The following LRP1B variants were observed in gnomAD, a reference collection of about 807,000 sequenced individuals.
LRP1B encodes the protein LDL receptor related protein 1B, also known as low-density lipoprotein receptor-related protein 1B.
In LRP1B, 217 loss-of-function variants were observed where a neutral mutation model predicts 556.6. That is an observed-to-expected ratio of 0.39 (90% CI 0.35 to 0.44). LRP1B has a LOEUF of 0.44. Among genes scored for constraint, LRP1B ranks in the 20% least tolerant of loss-of-function variants. The pLI, the probability that LRP1B is intolerant of heterozygous loss-of-function variation, is 1.00. For missense variants in LRP1B, 5,053 were observed against 5,620.8 expected (o/e 0.90, Z 3.23); for synonymous variants, 2,047 against 1,865.8 (o/e 1.10, Z -2.50).
chr2:140,927,375 C>T (rs370775351), intron 20 of LRP1B, among the ~76,000 whole-genome samples: 9 of 152,162 alleles, frequency 5.9e-5, no homozygotes, highest in East Asian at 1.9e-4. Flanking sequence ...CCTGCAGTTA[C>T]GCACATGATA....
At chr2:140,511,258 G>A (rs192845199) in intron 51 of LRP1B, among the ~76,000 whole-genome samples, 1 of 146,688 alleles carries the variant, frequency 6.8e-6, no homozygotes, top group African/African-American at 2.5e-5. Context: ...AATATGGTAA[G>A]CAGTGGGGTA....
chr2:141,718,156 C>T (rs1479399338), intron 2 of LRP1B, among the ~76,000 whole-genome samples: 1 of 152,196 alleles, frequency 6.6e-6, no homozygotes, highest in Admixed American at 6.5e-5. Flanking sequence ...TTGCACACAG[C>T]TGGAGCTTTT....
chr2:141,602,361 G>T (rs932669340), intron 2 of LRP1B, among the ~76,000 whole-genome samples: 2 of 152,150 alleles, frequency 1.3e-5, no homozygotes, highest in Admixed American at 1.3e-4. Flanking sequence ...TTAAAGGCAG[G>T]CTGTCAAAGT....
At chr2:141,600,248 A>T (rs537300681) in intron 2 of LRP1B, among the ~76,000 whole-genome samples, 1 of 152,162 alleles carries the variant, frequency 6.6e-6, no homozygotes, top group South Asian at 2.1e-4. Context: ...AGCTTTTTTT[A>T]AAAAAATGCA....
At chr2:140,360,381 T>C (rs1682451671) in intron 72 of LRP1B, among the ~76,000 whole-genome samples, 1 of 151,580 alleles carries the variant, frequency 6.6e-6, no homozygotes. Context: ...GGAATGTCTC[T>C]TAATTTGCTC....
intron 35 of LRP1B, among the ~76,000 whole-genome samples, chr2:140,733,180 G>A (rs1160684580): frequency 6.6e-6 from 1 of 152,130 alleles, no homozygotes; most frequent in African/African-American, 2.4e-5. Flanking sequence ...CAGTGACTGA[G>A]TAGACCTGCA....
rs1385587112 is a variant in LRP1B at position 141,480,397 on chromosome 2, C to G, written c.342G>C (p.Gln114His). ...PDGYDEGVHC[Q>H]ELLSNCQQLN... The stretch of plus-strand genomic sequence containing the variant: ...GCATTGTTCCACAAATGGACTCACC[C>G]TGACAATGTACTCCTTCGTCATACC... Residue 114 changes from glutamine to histidine, a missense_variant and splice_region_variant, in exon 3 of 91, where the codon CAG becomes CAC. Gln to His is a conservative substitution (Grantham distance 24). Around this residue, in one of 5 missense-constraint regions of LRP1B, gnomAD observed 3,619 missense variants for 3,931.9 expected, o/e 0.92. Transcript: ENST00000389484. 1 of 1,613,728 alleles carries G rather than the reference C, an allele frequency of 6.2e-7. No homozygotes were observed. The highest frequency in any genetic ancestry group is 8.5e-7 in the Non-Finnish European group (1 of 1,179,884).
rs556638535 is a variant in LRP1B at position 141,186,044 on chromosome 2, A to G, written c.1013+2377T>C. On this transcript the variant is annotated intron_variant, in intron 7 of 90. Transcript: ENST00000389484. ...CAGTGAGAGGAGATTGTGCCACTGT[A>G]CTCCAGCTTGAGCGATAGAACGAGA... 8.0e-5 allele frequency among the ~76,000 whole-genome samples: 10 copies of G among 124,702 alleles called. No individual in the cohort carries two copies. In the East Asian group the frequency reaches 2.8e-3, roughly 35 times the overall value. The allele number at this position is 124,702 out of a possible 152,430, so 81.8% of individuals were successfully genotyped here.
intron 7 of LRP1B, among the ~76,000 whole-genome samples, chr2:141,133,034 G>C (rs559015235): frequency 6.6e-6 from 1 of 152,050 alleles, no homozygotes; most frequent in East Asian, 1.9e-4. Flanking sequence ...TTTTTCAACA[G>C]CATGCATCTA....
At chr2:141,727,772 A>T (rs1693095346) in intron 2 of LRP1B, among the ~76,000 whole-genome samples, 1 of 152,108 alleles carries the variant, frequency 6.6e-6, no homozygotes, top group Admixed American at 6.6e-5. Context: ...TATATTTTAT[A>T]TGTGTGTATA....
chr2:140,531,745 C>G (rs954501324), intron 47 of LRP1B, among the ~76,000 whole-genome samples: 1 of 152,098 alleles, frequency 6.6e-6, no homozygotes, highest in Non-Finnish European at 1.5e-5. Context: ...TACTGTTCCA[C>G]TGAACTGACA....
chr2:141,377,980 G>GT (rs1363047861), intron 3 of LRP1B, among the ~76,000 whole-genome samples: 25 of 152,076 alleles, frequency 1.6e-4, no homozygotes, highest in Non-Finnish European at 2.8e-4. Flanking sequence ...TTGTTGCTTT[G>GT]TTTTTTCTTT....
At chr2:140,913,211 TG>T (rs1330523500) in intron 21 of LRP1B, among the ~76,000 whole-genome samples, 2 of 151,952 alleles carry the variant, frequency 1.3e-5, no homozygotes, top group African/African-American at 2.4e-5. Context: ...ATTTGACAAA[TG>T]TTTTTTGAGT....
At chr2:140,761,878 A>G (rs1178969427) in intron 35 of LRP1B, among the ~76,000 whole-genome samples, 1 of 152,134 alleles carries the variant, frequency 6.6e-6, no homozygotes, top group African/African-American at 2.4e-5. Flanking sequence ...AATTTGTTAT[A>G]CAGTAATAGA....
At chr2:141,016,054 A>C in intron 12 of LRP1B, 139 bp from the exon 13 acceptor site, 1 of 662,282 alleles carries the variant, frequency 1.5e-6, no homozygotes, top group East Asian at 2.7e-5. Context: ...TTATCTGTCA[A>C]AGAGGGGGGA....
intron 1 of LRP1B, among the ~76,000 whole-genome samples, chr2:141,937,352 T>C (rs1700662525): frequency 6.6e-6 from 1 of 151,614 alleles, no homozygotes; most frequent in Non-Finnish European, 1.5e-5. Flanking sequence ...GCCACTGCAC[T>C]CCAGCCTGGG....
intron 3 of LRP1B, among the ~76,000 whole-genome samples, chr2:141,315,137 A>G (rs1419837583): frequency 6.6e-6 from 1 of 150,884 alleles, no homozygotes; most frequent in East Asian, 1.9e-4. Context: ...CTTAACTGTG[A>G]CATTTACTTG....
At chr2:141,418,427 A>T (rs1286203076) in intron 3 of LRP1B, among the ~76,000 whole-genome samples, 1 of 135,062 alleles carries the variant, frequency 7.4e-6, no homozygotes, top group Admixed American at 7.9e-5. Flanking sequence ...AAAACAGAGC[A>T]CAATATTTTT....
intron 3 of LRP1B, among the ~76,000 whole-genome samples, chr2:141,430,478 C>G (rs1289448564): frequency 1.3e-5 from 2 of 151,980 alleles, no homozygotes; most frequent in Non-Finnish European, 2.9e-5. Context: ...CTAGTCAGAA[C>G]AATTAGGGAT....
Sources: gnomAD v4.1 joint callset for allele counts (sites outside exome capture counted in the v4.1 genomes callset) on GRCh38, gnomAD v4.1.1 for gene constraint, gnomAD v4.1.1 regional missense constraint, MANE v1.5 for transcripts, NCBI Gene and HGNC (gene_info 2026-07-23, HGNC 2026-07-21) for gene names.